Variants in DORIP1 observed in about 807,000 individuals in gnomAD.
DORIP1 encodes dopamine receptor interacting protein 1.
chr14:44,904,735 T>G, the DORIP1 span: 3 of 448,648 alleles, frequency 6.7e-6, no homozygotes, highest in Admixed American at 4.5e-5. Context: ...GACTACAGAA[T>G]AGACAGAATT....
the DORIP1 span, chr14:44,900,393 G>T: frequency 7.2e-7 from 1 of 1,398,510 alleles, no homozygotes; most frequent in Non-Finnish European, 9.5e-7. Flanking sequence ...AATATACAAA[G>T]TTACAATTTT....
the DORIP1 span, among the ~76,000 whole-genome samples, chr14:44,902,145 A>G: frequency 6.6e-6 from 1 of 152,174 alleles, no homozygotes; most frequent in East Asian, 1.9e-4. Flanking sequence ...CTAATTTGAA[A>G]TATCAATCAA....
At chr14:44,900,370 ATAT>A in the DORIP1 span, 4 of 1,314,590 alleles carry the variant, frequency 3.0e-6, no homozygotes, top group African/African-American at 6.1e-5. Flanking sequence ...TCGTTTAAAC[ATAT>A]TATGCATTTA....
the DORIP1 span, chr14:44,900,983 T>C: frequency 1.6e-5 from 25 of 1,536,586 alleles, 1 homozygote; most frequent in East Asian, 5.6e-4. Context: ...ACGTCTGTTT[T>C]GTCACTTTTA....
At chr14:44,898,161 C>G in the DORIP1 span, among the ~76,000 whole-genome samples, 2 of 152,188 alleles carry the variant, frequency 1.3e-5, no homozygotes, top group Admixed American at 6.5e-5. Flanking sequence ...AATTACAGTT[C>G]CTAGCTAAAC....
the DORIP1 span, among the ~76,000 whole-genome samples, chr14:44,902,331 ATTTT>A: frequency 1.3e-5 from 2 of 151,622 alleles, no homozygotes; most frequent in Non-Finnish European, 2.9e-5. Context: ...TGTTTTATTT[ATTTT>A]TTTATTTTTT....
chr14:44,904,698 G>A, the DORIP1 span: 1 of 707,924 alleles, frequency 1.4e-6, no homozygotes, highest in Non-Finnish European at 2.1e-6. Context: ...TCAGTTACTA[G>A]CAGTGCACAT....
the DORIP1 span, chr14:44,903,502 T>TC: frequency 2.0e-3 from 2,277 of 1,153,160 alleles, 7 homozygotes; most frequent in East Asian, 5.9e-3. Flanking sequence ...TTTTCTTTTT[T>TC]CCCCCCCCAC....
chr14:44,897,450 G>T, the DORIP1 span: 1 of 202,584 alleles, frequency 4.9e-6, no homozygotes, highest in Non-Finnish European at 9.8e-6. Flanking sequence ...CGAGACAGCC[G>T]GCGGTACTCA....
At chr14:44,900,406 G>A in the DORIP1 span, 6 of 1,402,928 alleles carry the variant, frequency 4.3e-6, no homozygotes, top group African/African-American at 2.9e-5. Flanking sequence ...ACAATTTTAT[G>A]TGTTCTGTTT....
chr14:44,902,789 GAAGTA>G, the DORIP1 span, among the ~76,000 whole-genome samples: 3 of 151,960 alleles, frequency 2.0e-5, no homozygotes, highest in Admixed American at 6.6e-5. Flanking sequence ...AGCAACCTCT[GAAGTA>G]ATGTAGAAAA....
At chr14:44,901,692 A>G in the DORIP1 span, among the ~76,000 whole-genome samples, 1 of 152,214 alleles carries the variant, frequency 6.6e-6, no homozygotes, top group African/African-American at 2.4e-5. Context: ...TTCCATATGA[A>G]CAAGAAAATT....
chr14:44,899,496 G>C, the DORIP1 span, among the ~76,000 whole-genome samples: 1 of 151,962 alleles, frequency 6.6e-6, no homozygotes. Context: ...ACTTAAGATT[G>C]ATTTTCATGA....
At chr14:44,901,312 T>C in the DORIP1 span, among the ~76,000 whole-genome samples, 3 of 152,308 alleles carry the variant, frequency 2.0e-5, no homozygotes, top group African/African-American at 4.8e-5. Flanking sequence ...TAAGGATACA[T>C]TTCTCAGAAT....
the DORIP1 span, chr14:44,905,137 T>G: frequency 8.6e-6 from 3 of 347,822 alleles, 1 homozygote; most frequent in African/African-American, 4.2e-5. Flanking sequence ...TGTTTACTCT[T>G]TTTTAAAAGA....
chr14:44,903,613 G>A, the DORIP1 span: 1 of 1,008,544 alleles, frequency 9.9e-7, no homozygotes, highest in Non-Finnish European at 1.2e-6. Context: ...AGGAGAAAGA[G>A]GTAAATGACA....
At chr14:44,901,203 G>A in the DORIP1 span, among the ~76,000 whole-genome samples, 2 of 152,146 alleles carry the variant, frequency 1.3e-5, no homozygotes, top group Non-Finnish European at 2.9e-5. Flanking sequence ...TGTAGCCTAG[G>A]AGCAATAGGC....
At chr14:44,900,363 T>C in the DORIP1 span, 2 of 1,282,452 alleles carry the variant, frequency 1.6e-6, no homozygotes, top group Non-Finnish European at 2.1e-6. Flanking sequence ...TTTATTTTCG[T>C]TTAAACATAT....
chr14:44,899,867 C>T, the DORIP1 span, among the ~76,000 whole-genome samples: 5 of 118,638 alleles, frequency 4.2e-5, no homozygotes, highest in Non-Finnish European at 6.4e-5. Flanking sequence ...GAGTTTCACT[C>T]GTTGCCCAGG....
Sources: allele counts gnomAD v4.1 joint callset (sites outside exome capture counted in the v4.1 genomes callset), GRCh38; gene constraint gnomAD v4.1.1; transcripts MANE v1.5; gene names NCBI Gene and HGNC (gene_info 2026-07-23, HGNC 2026-07-21).